MAPK8: variants seen among roughly 807,000 people sequenced by gnomAD.
The protein encoded by MAPK8 is JUN N-terminal kinase.
MAPK8 carries 13 observed loss-of-function variants against 52.9 expected under a neutral mutation model. That is an observed-to-expected ratio of 0.25 (90% CI 0.16 to 0.39). MAPK8 has a LOEUF of 0.39. MAPK8 is among the 10% of genes least tolerant of loss of function. The probability of loss-of-function intolerance (pLI) is 1.00; values close to 1 mark genes in which losing one functional copy is unlikely to be tolerated. For synonymous variants in MAPK8, 191 were observed against 169.8 expected (o/e 1.12, Z -0.97); for missense variants, 300 against 519.2 (o/e 0.58, Z 4.10).
At chr10:48,345,000 T>A (rs549724909) in intron 1 of MAPK8, among the ~76,000 whole-genome samples, 362 of 152,220 alleles carry the variant, frequency 2.4e-3, no homozygotes, top group Non-Finnish European at 3.0e-3. Context: ...AAAAGTTTTT[T>A]AAAAAAATCC....
rs137997326 is a variant in MAPK8 at position 48,312,055 on chromosome 10, C to A, written c.-50+5234C>A. On this transcript the variant is annotated intron_variant, in intron 1 of 11. Transcript: ENST00000374189. ...AGGAAGCAAATATTGTTAGTCATTT[C>A]ATTAGGAATTTCTTTTGTCATTGGG... Among the ~76,000 whole-genome samples the A allele has an allele frequency of 5.3e-5, 8 of 152,306 alleles. No individual in the cohort carries two copies. In the East Asian group the frequency reaches 9.6e-4, roughly 18 times the overall value.
chr10:48,366,673 A>G (rs1164415295), intron 1 of MAPK8, among the ~76,000 whole-genome samples: 1 of 152,100 alleles, frequency 6.6e-6, no homozygotes, highest in Non-Finnish European at 1.5e-5. Context: ...AATATTCTTT[A>G]TTCTCTTCTA....
At chr10:48,360,670 A>G (rs948679411) in intron 1 of MAPK8, among the ~76,000 whole-genome samples, 4 of 152,218 alleles carry the variant, frequency 2.6e-5, no homozygotes, top group Non-Finnish European at 4.4e-5. Flanking sequence ...CGCATGTATC[A>G]CAGTTATAAA....
intron 1 of MAPK8, among the ~76,000 whole-genome samples, chr10:48,396,222 A>G (rs1478582466): frequency 6.6e-6 from 1 of 152,154 alleles, no homozygotes; most frequent in Admixed American, 6.5e-5. Context: ...TGTATCCCGA[A>G]TATATTTTAA....
intron 1 of MAPK8, among the ~76,000 whole-genome samples, chr10:48,382,558 C>A (rs1342585218): frequency 6.6e-6 from 1 of 151,780 alleles, no homozygotes; most frequent in Non-Finnish European, 1.5e-5. Flanking sequence ...ATAAATAGAA[C>A]AAGTTCAAGT....
intron 1 of MAPK8, among the ~76,000 whole-genome samples, chr10:48,396,889 A>G (rs1316550789): frequency 6.6e-6 from 1 of 152,188 alleles, no homozygotes. Context: ...GATGTTTTAC[A>G]ACTATTTTTT....
intron 1 of MAPK8, among the ~76,000 whole-genome samples, chr10:48,364,521 G>T (rs1847853326): frequency 1.3e-5 from 2 of 152,014 alleles, no homozygotes; most frequent in African/African-American, 4.8e-5. Context: ...AAGGAATTAA[G>T]ATTTGTTGAA....
At chr10:48,423,028 G>A (rs1174488313) in intron 6 of MAPK8, among the ~76,000 whole-genome samples, 1 of 152,128 alleles carries the variant, frequency 6.6e-6, no homozygotes. Flanking sequence ...ACAACTAAAT[G>A]CAAGTTTCTA....
In MAPK8 at chr10:48,435,892, T is replaced by G. The variant is rs2133410553; in HGVS notation, c.*863T>G. The G allele has an allele frequency of 6.6e-6, 1 of 152,390 alleles. No homozygotes were observed. The highest frequency in any genetic ancestry group is 2.4e-5 in the African/African-American group (1 of 41,594). 9.4% of individuals were successfully genotyped at this position (152,390 alleles called of 1,614,324 possible). ...GGTTCACTTCTACTAGCTATGAGCC[T>G]GTTTTTGTATACACTGAGTTAATCT... is the stretch of plus-strand genomic sequence containing the variant. On this transcript the variant is annotated 3_prime_UTR_variant, in exon 12 of 12. Coordinates refer to ENST00000374189, the MANE Select transcript of MAPK8 (RefSeq NM_001323329.2).
chr10:48,392,618 T>A lies in MAPK8; in HGVS notation c.-49-8994T>A, dbSNP rs541859970. Among the ~76,000 whole-genome samples, 3 of 152,216 alleles carry A rather than the reference T, an allele frequency of 2.0e-5. No individual in the cohort carries two copies. In the East Asian group the frequency reaches 5.8e-4, roughly 29 times the overall value. On this transcript the variant is annotated intron_variant, in intron 1 of 11. Coordinates refer to ENST00000374189, the MANE Select transcript of MAPK8 (RefSeq NM_001323329.2). Reference sequence around the variant, plus strand: ...TTCTTTTCTTCCTTTTTGGAAATAATATGCTATCTGAGAAACCTATTTTCT... The same window carrying A: ...TTCTTTTCTTCCTTTTTGGAAATAAAATGCTATCTGAGAAACCTATTTTCT...
Position 48,328,327 on chromosome 10 carries a change from G to A in MAPK8, c.-50+21506G>A, listed in dbSNP as rs537318218. Among the ~76,000 whole-genome samples, 6 of 149,276 alleles carry A rather than the reference G, an allele frequency of 4.0e-5. No individual in the cohort carries two copies. The South Asian group carries it at 1.3e-3, about 32-fold the overall frequency. On this transcript the variant is annotated intron_variant, in intron 1 of 11. Coordinates refer to ENST00000374189, the MANE Select transcript of MAPK8 (RefSeq NM_001323329.2). ...TTTTTTTTTTTCTTTGTATTTTCCTGTTTTTAATTTCACTGATTTTGACTG... is the reference window on the plus strand; with the variant it reads ...TTTTTTTTTTTCTTTGTATTTTCCTATTTTTAATTTCACTGATTTTGACTG...
At chr10:48,416,083 A>G (rs1479443980) in intron 5 of MAPK8, among the ~76,000 whole-genome samples, 1 of 152,134 alleles carries the variant, frequency 6.6e-6, no homozygotes. Flanking sequence ...TCTCTGCTCT[A>G]CTACTTATTC....
At chr10:48,352,597 C>G (rs953432356) in intron 1 of MAPK8, among the ~76,000 whole-genome samples, 3 of 152,004 alleles carry the variant, frequency 2.0e-5, no homozygotes, top group African/African-American at 4.8e-5. Context: ...TCTTAGAAAA[C>G]TAGGAATAGA....
At chr10:48,364,557 T>C (rs960455376) in intron 1 of MAPK8, among the ~76,000 whole-genome samples, 4 of 152,236 alleles carry the variant, frequency 2.6e-5, no homozygotes, top group African/African-American at 9.6e-5. Context: ...AGTTTCTTAC[T>C]TAATTTGATG....
chr10:48,348,027 T>A (rs991264958), intron 1 of MAPK8, among the ~76,000 whole-genome samples: 2 of 152,254 alleles, frequency 1.3e-5, no homozygotes, highest in Admixed American at 6.5e-5. Flanking sequence ...TGTAAAAGTG[T>A]TCCTATTTCT....
At chr10:48,387,527 A>C (rs1373151753) in intron 1 of MAPK8, among the ~76,000 whole-genome samples, 1 of 152,074 alleles carries the variant, frequency 6.6e-6, no homozygotes, top group Non-Finnish European at 1.5e-5. Context: ...TAAGATTATA[A>C]CCTCTTCCTG....
intron 1 of MAPK8, among the ~76,000 whole-genome samples, chr10:48,401,000 T>C (rs553952558): frequency 1.1e-3 from 168 of 152,362 alleles, no homozygotes; most frequent in African/African-American, 3.9e-3. Flanking sequence ...CCTTTCTGTT[T>C]TGCTTCTCAT....
At chr10:48,401,480 G>T in intron 1 of MAPK8, 132 bp from the exon 2 acceptor site, 2 of 531,656 alleles carry the variant, frequency 3.8e-6, no homozygotes, top group African/African-American at 4.0e-5. Flanking sequence ...TTTTTCTTAT[G>T]TTTTTTAATG....
At position 48,356,556 on chromosome 10, in the gene MAPK8, A is replaced by G. The variant is rs533840775; in HGVS notation, c.-49-45056A>G. On this transcript the variant is annotated intron_variant, in intron 1 of 11. Coordinates refer to ENST00000374189, the MANE Select transcript of MAPK8 (RefSeq NM_001323329.2). ...CCTACTGAATTTTTAAAATCCAACT[A>G]TGTGGCCTGGCATGATGGCTCACAC... Among the ~76,000 whole-genome samples the G allele has an allele frequency of 1.9e-3, 293 of 152,188 alleles. 2 individuals are homozygous for G. Among genetic ancestry groups the G allele is most frequent in the African/African-American group, 3.4e-3 (141 of 41,530 alleles).
Sources: gnomAD v4.1 joint callset for allele counts (sites outside exome capture counted in the v4.1 genomes callset) on GRCh38, gnomAD v4.1.1 for gene constraint, MANE v1.5 for transcripts, NCBI Gene and HGNC (gene_info 2026-07-23, HGNC 2026-07-21) for gene names.